The following LAMA5 variants were observed in gnomAD, a reference collection of about 807,000 sequenced individuals.
LAMA5 encodes laminin subunit alpha-5.
In LAMA5, 260 loss-of-function variants were observed where a neutral mutation model predicts 433.4. The ratio of observed to expected loss-of-function variants is 0.60; its 90% CI spans 0.54 to 0.66. The LOEUF is 0.66. Among genes scored for constraint, LAMA5 ranks in the 30% least tolerant of loss-of-function variants. LAMA5 has a pLI of 0.00. For missense variants in LAMA5, 5,378 were observed against 5,258.5 expected, an observed-to-expected ratio of 1.02 and a Z score of -0.70; for synonymous variants, 2,620 against 2,226.6, an observed-to-expected ratio of 1.18 and a Z score of -4.97.
rs747930255 is a variant in LAMA5 at position 62,327,616 on chromosome 20, C to T, written c.4851G>A (p.Leu1617=). 6 of 1,613,142 alleles carry T rather than the reference C, an allele frequency of 3.7e-6. No individual in the cohort carries two copies. The East Asian group carries it at 8.9e-5, about 24-fold the overall frequency. ...TGCAACCTTTGGGGTTGGCAGCATC[C>T]AGTGAGAAGGTCCCAAGGCTGCACT... is the stretch of plus-strand genomic sequence containing the variant. ...CDQCSLGTFS[L]DAANPKGCTR... is the part of the protein sequence containing the mutation. Residue 1617 remains leucine, a synonymous_variant, in exon 37 of 80, where the codon CTG becomes CTA. Transcript: ENST00000252999.
Position 62,316,879 on chromosome 20 carries a change from C to A in LAMA5, c.7653+3G>T. 1 of 1,530,814 alleles carries A rather than the reference C, an allele frequency of 6.5e-7. No homozygotes were observed. The highest frequency in any genetic ancestry group is 1.2e-5 in the South Asian group (1 of 83,188). The allele number at this position is 1,530,814 out of a possible 1,614,324, so 94.8% of individuals were successfully genotyped here. Reference sequence around the variant, plus strand: ...GGGGCTGAGGGGAAGTGAGGGGCCTCACCGCCCACGTGTGGTCCGCCTGCT... The same window carrying A: ...GGGGCTGAGGGGAAGTGAGGGGCCTAACCGCCCACGTGTGGTCCGCCTGCT... On this transcript the variant is annotated splice_donor_region_variant and intron_variant, in intron 56 of 79. Coordinates refer to ENST00000252999, the MANE Select transcript of LAMA5 (RefSeq NM_005560.6).
At position 62,328,293 on chromosome 20, in the gene LAMA5, C is replaced by T. The variant is rs1168370308; in HGVS notation, c.4600G>A (p.Gly1534Ser). The change falls in exon 35 of 80, where the codon GGC becomes AGC. Residue 1534 changes from glycine to serine, a missense_variant. Gly to Ser is a moderately conservative substitution (Grantham distance 56). Coordinates refer to ENST00000252999, the MANE Select transcript of LAMA5 (RefSeq NM_005560.6). Reference protein sequence around the residue: ...GCEECNCSGPGIQELTDPTCD... With the variant: ...GCEECNCSGPSIQELTDPTCD... The stretch of plus-strand genomic sequence containing the variant: ...GTAGGGTCTGTGAGCTCCTGGATGC[C>T]GGGCCCTGAGCAGTTACACTCCTCA... 6.2e-6 allele frequency: 10 copies of T among 1,607,448 alleles called. No homozygotes were observed. The highest frequency in any genetic ancestry group is 3.4e-5 in the Admixed American group (2 of 59,266).
Position 62,327,572 on chromosome 20 carries a change from C to G in LAMA5, c.4895G>C (p.Gly1632Ala), listed in dbSNP as rs754215421. 3 of 1,612,948 alleles carry G rather than the reference C, an allele frequency of 1.9e-6. No individual in the cohort carries two copies. In the South Asian group the frequency reaches 3.3e-5, roughly 18 times the overall value. The change falls in exon 37 of 80, where the codon GGG (glycine) becomes GCG (alanine). Residue 1632 changes from glycine to alanine, a missense_variant. Coordinates refer to ENST00000252999, the MANE Select transcript of LAMA5 (RefSeq NM_005560.6). ...CGAGCTCCGGCAGCGCTCCGTGGCC[C>G]CAAAGCAGAAGCAGCGGGTGCAACC... ...PKGCTRCFCF[G>A]ATERCRSSSY... is the part of the protein sequence containing the mutation.
In LAMA5 at chr20:62,319,569, T is replaced by C. The variant is rs1036128781; in HGVS notation, c.6871+115A>G. On this transcript the variant is annotated intron_variant, in intron 51 of 79. Coordinates refer to ENST00000252999, the MANE Select transcript of LAMA5 (RefSeq NM_005560.6). ...TTCACTCCAGAGGCGTCGTCTCCCA[T>C]CTAAAAGACAGATCCTGCCTGTTCT... The C allele has an allele frequency of 5.2e-5, 37 of 714,024 alleles. 1 individual carries two copies. Among genetic ancestry groups the C allele is most frequent in the Middle Eastern group, 3.9e-4 (1 of 2,570 alleles). 44.2% of individuals were successfully genotyped at this position (714,024 alleles called of 1,614,324 possible).
chr20:62,339,496 A>G (rs1235842845), intron 11 of LAMA5, among the ~76,000 whole-genome samples: 2 of 152,176 alleles, frequency 1.3e-5, no homozygotes, highest in Non-Finnish European at 2.9e-5. Flanking sequence ...TCGGCCTCCC[A>G]AAGTGCTGGG....
intron 11 of LAMA5, chr20:62,342,350 C>T (rs932353588): frequency 6.0e-6 from 2 of 334,860 alleles, no homozygotes; most frequent in African/African-American, 2.3e-5. Flanking sequence ...CCACAGAATA[C>T]ATTAAAACCT....
At chr20:62,322,218 T>C (rs1293430272) in intron 47 of LAMA5, 50 bp from the exon 48 acceptor site, 2 of 1,561,286 alleles carry the variant, frequency 1.3e-6, no homozygotes, top group African/African-American at 1.4e-5. Context: ...CCTTGGAGCG[T>C]ACCCCACTCA....
chr20:62,326,985 G>C lies in LAMA5; in HGVS notation c.5113-19C>G, dbSNP rs1979411011. The C allele has an allele frequency of 3.2e-6, 5 of 1,553,558 alleles. No individual in the cohort carries two copies. Among genetic ancestry groups the C allele is most frequent in the Non-Finnish European group, 4.4e-6 (5 of 1,132,308 alleles). On this transcript the variant is annotated intron_variant, in intron 38 of 79. Transcript: ENST00000252999. Reference sequence around the variant, plus strand: ...ATGACACCTGGAGGCAGGACAGACAGAGGTGACCTGGCCAGACTCTGGCCA... The same window carrying C: ...ATGACACCTGGAGGCAGGACAGACACAGGTGACCTGGCCAGACTCTGGCCA...
chr20:62,361,185 G>T (rs989586840), intron 2 of LAMA5, among the ~76,000 whole-genome samples: 1 of 152,030 alleles, frequency 6.6e-6, no homozygotes, highest in Non-Finnish European at 1.5e-5. Context: ...GGCTCCAGGG[G>T]ACAGGGGAGT....
intron 6 of LAMA5, chr20:62,351,002 T>G (rs1289080737): frequency 6.5e-6 from 1 of 153,222 alleles, no homozygotes; most frequent in Non-Finnish European, 1.5e-5. Flanking sequence ...CTGAGGACTC[T>G]GGGTGAGGCC....
chr20:62,315,385 G>A (rs761360640), intron 58 of LAMA5, among the ~76,000 whole-genome samples, 178 bp from the exon 59 acceptor site: 11 of 151,938 alleles, frequency 7.2e-5, no homozygotes, highest in East Asian at 1.9e-4. Context: ...TCCACCAGAC[G>A]CCCCCTCCAT....
intron 1 of LAMA5, among the ~76,000 whole-genome samples, chr20:62,363,907 T>TA (rs1986435179): frequency 6.6e-6 from 1 of 152,150 alleles, no homozygotes; most frequent in African/African-American, 2.4e-5. Flanking sequence ...CCCTGGTGTT[T>TA]GGATTGCCCC....
chr20:62,358,052 T>G (rs943693329), intron 2 of LAMA5, among the ~76,000 whole-genome samples: 1 of 152,280 alleles, frequency 6.6e-6, no homozygotes, highest in East Asian at 1.9e-4. Context: ...GGCTCTTGTT[T>G]AGAAACAGAC....
rs1987088744 is a variant in LAMA5, at chr20:62,317,555, C to T, written c.7357-56G>A. 4.6e-6 allele frequency: 7 copies of T among 1,523,444 alleles called. No individual in the cohort carries two copies. In the South Asian group the frequency reaches 9.0e-5, roughly 20 times the overall value. The allele number at this position is 1,523,444 out of a possible 1,614,324, so 94.4% of individuals were successfully genotyped here. A position where few individuals can be genotyped will look rare whatever the true frequency, so the allele number is the denominator to read the frequency against. On this transcript the variant is annotated intron_variant, in intron 54 of 79. Transcript: ENST00000252999. Reference sequence around the variant, plus strand: ...CTGCTCACAGCCACCTGATCCACGACCCTGAGGGCGGGCTCTGCACGCAAG... The same window carrying T: ...CTGCTCACAGCCACCTGATCCACGATCCTGAGGGCGGGCTCTGCACGCAAG...
chr20:62,312,180 G>A lies in LAMA5; in HGVS notation c.9497C>T (p.Ala3166Val), dbSNP rs762020449. 16 of 1,610,442 alleles carry A rather than the reference G, an allele frequency of 9.9e-6. No individual in the cohort carries two copies. Among genetic ancestry groups the A allele is most frequent in the East Asian group, 4.5e-5 (2 of 44,788 alleles). ...ACGGGTGTGAGGTCTCACCGGGGAC[G>A]CCCGGTAGTAGAGCAGGGCACTGTC... ...AQDSALLYYR[A>V]SPDGLCQVSL... is the part of the protein sequence containing the mutation. Residue 3166 changes from alanine (A) to valine (V), a missense_variant, in exon 69 of 80, where the codon GCG (alanine) becomes GTG (valine). Ala to Val is a moderately conservative substitution (Grantham distance 64). Transcript: ENST00000252999.
Position 62,316,674 on chromosome 20 carries a change from G to C in LAMA5, c.7753C>G (p.Leu2585Val). 12 of 1,593,242 alleles carry C rather than the reference G, an allele frequency of 7.5e-6. No individual in the cohort carries two copies. The highest frequency in any genetic ancestry group is 1.0e-5 in the Non-Finnish European group (12 of 1,167,202). ...AMLQEQQRLG[L>V]VWAALQGART... The stretch of plus-strand genomic sequence containing the variant: ...CCCATCGGAGCCCAGCACTCACCAA[G>C]GCCCAGCCTCTGCTGTTCCTGGAGC... Residue 2585 changes from leucine to valine, a missense_variant, in exon 57 of 80, where the codon CTT becomes GTT. Physicochemically the swap from Leu to Val is conservative, Grantham distance 32. Coordinates refer to ENST00000252999, the MANE Select transcript of LAMA5 (RefSeq NM_005560.6).
At chr20:62,318,704 C>A (rs992694841) in intron 52 of LAMA5, 54 bp from the exon 53 acceptor site, 1 of 1,586,738 alleles carries the variant, frequency 6.3e-7, no homozygotes, top group Non-Finnish European at 8.6e-7. Context: ...CCCTTCATGA[C>A]CCCTGGTCTC....
intron 57 of LAMA5, among the ~76,000 whole-genome samples, 190 bp downstream of exon 57, chr20:62,316,481 T>C (rs778772632): frequency 1.2e-4 from 19 of 152,266 alleles, no homozygotes; most frequent in Middle Eastern, 3.4e-3. Flanking sequence ...TGCTCCTCCC[T>C]GGACTCCCCT....
Position 62,310,224 on chromosome 20 carries a change from T to C in LAMA5, c.10688A>G (p.Gln3563Arg), listed in dbSNP as rs533642424. ...AVTGLIFHLG[Q>R]ARTPPYLQLQ... ...CTGCAAGTAGGGGGGCGTCCGGGCC[T>C]GGCCCAAGTGGAAGATCAGTCCGGT... is the stretch of plus-strand genomic sequence containing the variant. Residue 3563 changes from glutamine to arginine, a missense_variant, in exon 77 of 80, where the codon CAG becomes CGG. By Grantham distance (43) the Gln-to-Arg change is conservative. Coordinates refer to ENST00000252999, the MANE Select transcript of LAMA5 (RefSeq NM_005560.6). The C allele has an allele frequency of 1.7e-4, 268 of 1,612,578 alleles. 5 individuals carry two copies. In the South Asian group the frequency reaches 2.8e-3, roughly 17 times the overall value.
Sources: gnomAD v4.1 joint callset for allele counts (sites outside exome capture counted in the v4.1 genomes callset) on GRCh38, gnomAD v4.1.1 for gene constraint, MANE v1.5 for transcripts, NCBI Gene and HGNC (gene_info 2026-07-23, HGNC 2026-07-21) for gene names.